CADPS: variants seen among roughly 807,000 people sequenced by gnomAD.
The protein encoded by CADPS is calcium-dependent secretion activator 1.
Under a neutral mutation model 167.3 loss-of-function variants are expected in CADPS, and 57 were observed. That is an observed-to-expected ratio of 0.34 (90% CI 0.28 to 0.42). The LOEUF (loss-of-function observed/expected upper bound fraction) is 0.42, where lower values mean the gene tolerates loss of function less well. CADPS is among the 20% of genes least tolerant of loss of function. The probability of loss-of-function intolerance (pLI) is 1.00; values close to 1 mark genes in which losing one functional copy is unlikely to be tolerated. For synonymous variants in CADPS, 676 were observed against 635.3 expected, an observed-to-expected ratio of 1.06 and a Z score of -0.96; for missense variants, 1,414 against 1,738.1, an observed-to-expected ratio of 0.81 and a Z score of 3.32.
In CADPS at chr3:62,412,415, C is replaced by T. The variant is rs2049145542; in HGVS notation, c.3778-9230G>A. Among the ~76,000 whole-genome samples the T allele has an allele frequency of 6.6e-6, 1 of 152,032 alleles. No homozygotes were observed. Among genetic ancestry groups the T allele is most frequent in the South Asian group, 2.1e-4 (1 of 4,816 alleles). On this transcript the variant is annotated intron_variant, in intron 28 of 29. Transcript: ENST00000383710. This position sits in a 1 kb window ranked among gnomAD's most constrained non-coding sequence, Gnocchi z 4.1. Reference sequence around the variant, plus strand: ...CTTTTCTCATTAGGAAGAGATAATGCAAAAGACATAATAATTTAAAAGATA... The same window carrying T: ...CTTTTCTCATTAGGAAGAGATAATGTAAAAGACATAATAATTTAAAAGATA...
chr3:62,422,015 A>G (rs1329360025), intron 28 of CADPS, among the ~76,000 whole-genome samples: 1 of 152,240 alleles, frequency 6.6e-6, no homozygotes, highest in Non-Finnish European at 1.5e-5. Flanking sequence ...TGCTAAATAC[A>G]TAATAGCATT....
chr3:62,656,917 G>C (rs2071765882), intron 4 of CADPS, among the ~76,000 whole-genome samples: 1 of 152,110 alleles, frequency 6.6e-6, no homozygotes, highest in Non-Finnish European at 1.5e-5. Context: ...ATTTTTCCGT[G>C]AGCTCAGATT....
intron 11 of CADPS, among the ~76,000 whole-genome samples, chr3:62,543,262 G>A (rs927862829): frequency 6.6e-6 from 1 of 152,150 alleles, no homozygotes; most frequent in Non-Finnish European, 1.5e-5. Flanking sequence ...TTCCTGCAAC[G>A]TAGCAACTGC....
At chr3:62,771,968 CTA>C (rs1164286185) in intron 1 of CADPS, among the ~76,000 whole-genome samples, 2 of 152,124 alleles carry the variant, frequency 1.3e-5, no homozygotes, top group African/African-American at 2.4e-5. Context: ...GCTAGCTTTG[CTA>C]TGAGACCTTG....
In CADPS at chr3:62,474,280, G is replaced by A. The variant is rs201181624; in HGVS notation, c.3370C>T (p.Arg1124Ter). 1 of 1,610,026 alleles carries A rather than the reference G, an allele frequency of 6.2e-7. No homozygotes were observed. Among genetic ancestry groups the A allele is most frequent in the Non-Finnish European group, 8.5e-7 (1 of 1,178,866 alleles). Residue 1124 changes from arginine to a stop codon, truncating the protein, a stop_gained, in exon 24 of 30, where the codon CGA (arginine) becomes TGA (stop). Transcript: ENST00000383710. LOFTEE classifies it high-confidence loss of function. Reference protein sequence around the residue: ...AFEVKLQKTSRSTDFRVPQSI... With the variant: ...AFEVKLQKTS ...TGTGGGACTCGAAAATCTGTTGATC[G>A]ACTGGTTTTTTGCAGCTTAACTTCA...
intron 11 of CADPS, among the ~76,000 whole-genome samples, chr3:62,540,858 G>A (rs1408131860): frequency 2.6e-5 from 4 of 152,110 alleles, no homozygotes; most frequent in African/African-American, 9.7e-5. Flanking sequence ...TGTACAAACA[G>A]TTGGAATTGG....
rs1560054540 is a variant in CADPS at position 62,875,059 on chromosome 3, G to A, written c.-30C>T. On this transcript the variant is annotated 5_prime_UTR_variant, in exon 1 of 30. Transcript: ENST00000383710. Reference sequence around the variant, plus strand: ...GCGCCTGGGGAGCGGGGTCTCTGGAGCCCCCGGCTTGGAGTGCAAAAGGTG... The same window carrying A: ...GCGCCTGGGGAGCGGGGTCTCTGGAACCCCCGGCTTGGAGTGCAAAAGGTG... The A allele has an allele frequency of 1.9e-6, 3 of 1,561,872 alleles. No homozygotes were observed. Among genetic ancestry groups the A allele is most frequent in the Admixed American group, 3.6e-5 (2 of 56,220 alleles).
At chr3:62,647,807 C>T (rs183905429) in intron 5 of CADPS, among the ~76,000 whole-genome samples, 2 of 152,312 alleles carry the variant, frequency 1.3e-5, no homozygotes. Context: ...GTTTCTCAAC[C>T]TCTCTGAGGC....
intron 6 of CADPS, among the ~76,000 whole-genome samples, chr3:62,615,040 G>A (rs915231545): frequency 6.6e-6 from 1 of 152,174 alleles, no homozygotes; most frequent in Non-Finnish European, 1.5e-5. Context: ...AATTTGTCAA[G>A]GATACAGGAC....
At chr3:62,491,948 A>AT (rs1017983409) in intron 20 of CADPS, among the ~76,000 whole-genome samples, 3 of 151,654 alleles carry the variant, frequency 2.0e-5, no homozygotes, top group East Asian at 1.9e-4. Flanking sequence ...TCAGCTGGAA[A>AT]TTTTTTTTTC....
At chr3:62,839,942 G>T (rs2076410782) in intron 1 of CADPS, among the ~76,000 whole-genome samples, 1 of 152,196 alleles carries the variant, frequency 6.6e-6, no homozygotes, top group South Asian at 2.1e-4. Flanking sequence ...TTCACCATCT[G>T]GGAGGGAGAG....
chr3:62,853,084 A>G (rs1380061030), intron 1 of CADPS, among the ~76,000 whole-genome samples: 1 of 152,202 alleles, frequency 6.6e-6, no homozygotes, highest in East Asian at 1.9e-4. Flanking sequence ...TGCACTTGAC[A>G]TATTAATATT....
chr3:62,457,224 C>T (rs2058795741), intron 26 of CADPS, among the ~76,000 whole-genome samples: 1 of 152,092 alleles, frequency 6.6e-6, no homozygotes, highest in Non-Finnish European at 1.5e-5. Flanking sequence ...TTAATTCTAC[C>T]CACACCACAT....
In CADPS at chr3:62,852,297, G is replaced by C. The variant is rs1032832993; in HGVS notation, c.441+22292C>G. Among the ~76,000 whole-genome samples, 7 of 152,160 alleles carry C rather than the reference G, an allele frequency of 4.6e-5. No homozygotes were observed. The East Asian group carries it at 1.4e-3, about 29-fold the overall frequency. ...GCTCGTCAAAATCATTCTCCATCCA[G>C]CTTTGTTCCGTTGCTGGTGAGGAAC... On this transcript the variant is annotated intron_variant, in intron 1 of 29. Coordinates refer to ENST00000383710, the MANE Select transcript of CADPS (RefSeq NM_003716.4).
intron 3 of CADPS, among the ~76,000 whole-genome samples, chr3:62,692,456 C>T (rs1196458031): frequency 6.6e-6 from 1 of 152,054 alleles, no homozygotes; most frequent in African/African-American, 2.4e-5. Context: ...GAATTGCTCA[C>T]CACAACTACC....
In CADPS at chr3:62,525,469, T is replaced by C. The variant is rs151107674; in HGVS notation, c.2292-7219A>G. On this transcript the variant is annotated intron_variant, in intron 13 of 29. Transcript: ENST00000383710. ...AGAATTGGAAGGCCAGCCAGCAACA[T>C]GCTCATGTTCACAAGTGCAATAATC... Among the ~76,000 whole-genome samples, 656 of 152,260 alleles carry C rather than the reference T, an allele frequency of 4.3e-3. 7 individuals carry two copies. The highest frequency in any genetic ancestry group is 0.015 in the African/African-American group (622 of 41,570).
chr3:62,801,938 C>T (rs1487422443), intron 1 of CADPS, among the ~76,000 whole-genome samples: 1 of 152,108 alleles, frequency 6.6e-6, no homozygotes, highest in Non-Finnish European at 1.5e-5. Context: ...TTTTGTTGGA[C>T]ACAATTGTGC....
intron 2 of CADPS, among the ~76,000 whole-genome samples, chr3:62,764,680 G>C (rs899392697): frequency 2.0e-5 from 3 of 152,144 alleles, no homozygotes; most frequent in African/African-American, 4.8e-5. Context: ...TGCCTCTACC[G>C]AGGCTTCAAT....
chr3:62,545,274 A>T (rs969037622), intron 11 of CADPS, among the ~76,000 whole-genome samples: 5 of 152,088 alleles, frequency 3.3e-5, no homozygotes, highest in African/African-American at 1.2e-4. Flanking sequence ...TTGAGGTACT[A>T]ATTTTTACTG....
Sources: allele counts gnomAD v4.1 joint callset (sites outside exome capture counted in the v4.1 genomes callset), GRCh38; gene constraint gnomAD v4.1.1; non-coding constraint Gnocchi (gnomAD v3.1); transcripts MANE v1.5; gene names NCBI Gene and HGNC (gene_info 2026-07-23, HGNC 2026-07-21).